Variants in EPHA7 observed in about 807,000 individuals in gnomAD.
EPHA7 encodes the protein ephrin type-A receptor 7.
Under a neutral mutation model 112.6 loss-of-function variants are expected in EPHA7, and 25 were observed. The ratio of observed to expected loss-of-function variants is 0.22; its 90% CI spans 0.16 to 0.31. The LOEUF (loss-of-function observed/expected upper bound fraction) is 0.31. Among genes scored for constraint, EPHA7 ranks in the 10% least tolerant of loss-of-function variants. The pLI is 1.00. For synonymous variants in EPHA7, 437 were observed against 406.5 expected (o/e 1.07, Z -0.90); for missense variants, 962 against 1,212.6 (o/e 0.79, Z 3.07).
At chr6:93,409,519 T>C (rs1778874448) in intron 3 of EPHA7, 3 of 152,072 alleles carry the variant, frequency 2.0e-5, no homozygotes, top group African/African-American at 7.2e-5. Context: ...GTTATTATTA[T>C]CAGTAGTCTC....
intron 9 of EPHA7, 109 bp downstream of exon 9, chr6:93,263,751 T>C (rs1055684798): frequency 5.8e-6 from 4 of 688,122 alleles, no homozygotes; most frequent in Middle Eastern, 2.6e-4. Flanking sequence ...TTTGAGCTCA[T>C]GGTATAATTT....
At chr6:93,368,568 T>C (rs1776626898) in intron 3 of EPHA7, among the ~76,000 whole-genome samples, 1 of 152,138 alleles carries the variant, frequency 6.6e-6, no homozygotes, top group South Asian at 2.1e-4. Flanking sequence ...TTGGACTATC[T>C]TGTGAGTGGC....
At chr6:93,361,262 A>C (rs2127950395) in intron 3 of EPHA7, among the ~76,000 whole-genome samples, 1 of 152,254 alleles carries the variant, frequency 6.6e-6, no homozygotes, top group South Asian at 2.1e-4. Context: ...AATAAGTTGA[A>C]GCAAGCCAGT....
intron 6 of EPHA7, 114 bp downstream of exon 6, chr6:93,272,184 G>C (rs1325972474): frequency 1.5e-5 from 17 of 1,166,640 alleles, no homozygotes; most frequent in Non-Finnish European, 1.9e-5. Flanking sequence ...AATTAACTAC[G>C]AAGTTTGAAG....
chr6:93,358,440 A>G (rs1260690606), intron 3 of EPHA7, 29 bp from the exon 4 acceptor site: 1 of 1,571,878 alleles, frequency 6.4e-7, no homozygotes, highest in Non-Finnish European at 8.6e-7. Context: ...GCAAAAATTG[A>G]GACATGAGAG....
intron 3 of EPHA7, among the ~76,000 whole-genome samples, chr6:93,399,323 A>G (rs1778327792): frequency 6.6e-6 from 1 of 152,114 alleles, no homozygotes; most frequent in African/African-American, 2.4e-5. Context: ...CCAGACATAA[A>G]TAGCCTTCAA....
At chr6:93,335,723 C>G (rs1172807839) in intron 5 of EPHA7, among the ~76,000 whole-genome samples, 1 of 151,940 alleles carries the variant, frequency 6.6e-6, no homozygotes, top group Non-Finnish European at 1.5e-5. Flanking sequence ...ATGGAAACTA[C>G]ACTCTTTGAA....
At chr6:93,308,723 T>C (rs1393710347) in intron 5 of EPHA7, among the ~76,000 whole-genome samples, 6 of 152,078 alleles carry the variant, frequency 3.9e-5, no homozygotes, top group African/African-American at 1.2e-4. Flanking sequence ...GTTAGGAATA[T>C]ACTAACATAC....
chr6:93,258,269 A>G lies in EPHA7; in HGVS notation c.1940T>C (p.Val647Ala). Residue 647 changes from valine (V) to alanine (A), a missense_variant, in exon 11 of 17, where the codon GTC becomes GCC. Coordinates refer to ENST00000369303, the MANE Select transcript of EPHA7 (RefSeq NM_004440.4). ...RVIGAGEFGEVCSGRLKLPGK... is the reference protein window; with the variant it reads ...RVIGAGEFGEACSGRLKLPGK... ...TGGAAGTTTCAAACGGCCACTGCAG[A>G]CTTCACCGAATTCTCCTGAAGTAAC... 6.3e-7 allele frequency: 1 copy of G among 1,598,150 alleles called. No individual in the cohort carries two copies. The highest frequency in any genetic ancestry group is 8.5e-7 in the Non-Finnish European group (1 of 1,171,806).
At chr6:93,416,027 T>TTTG (rs1042134791) in intron 1 of EPHA7, among the ~76,000 whole-genome samples, 1 of 152,128 alleles carries the variant, frequency 6.6e-6, no homozygotes, top group Non-Finnish European at 1.5e-5. Flanking sequence ...GGATTTTTGT[T>TTTG]TTGTTGTTGT....
chr6:93,413,084 A>G (rs1370525260), intron 2 of EPHA7, among the ~76,000 whole-genome samples: 1 of 152,016 alleles, frequency 6.6e-6, no homozygotes, highest in Non-Finnish European at 1.5e-5. Context: ...TCCACAAATG[A>G]CGCCATTGGG....
At position 93,255,809 on chromosome 6, in the gene EPHA7, G is replaced by A. The variant is rs1330174540; in HGVS notation, c.2382+19C>T. ...AATCTTAAGAATATGAAGAAGTGCA[G>A]TAAATGACTTTTTCTTACAGTAGTT... is the stretch of plus-strand genomic sequence containing the variant. On this transcript the variant is annotated intron_variant, in intron 13 of 16. Coordinates refer to ENST00000369303, the MANE Select transcript of EPHA7 (RefSeq NM_004440.4). The A allele has an allele frequency of 1.3e-6, 2 of 1,594,798 alleles. No individual in the cohort carries two copies. The highest frequency in any genetic ancestry group is 1.7e-4 in the Middle Eastern group (1 of 6,006).
At position 93,240,643 on chromosome 6, in the gene EPHA7, C is replaced by A. The variant is rs2127842240; in HGVS notation, c.*2783G>T. 4.6e-6 allele frequency: 1 copy of A among 215,120 alleles called. No individual in the cohort carries two copies. The highest frequency in any genetic ancestry group is 6.9e-5 in the East Asian group (1 of 14,466). 13.3% of individuals were successfully genotyped at this position (215,120 alleles called of 1,614,324 possible). A position where few individuals can be genotyped will look rare whatever the true frequency, so the allele number is the denominator to read the frequency against. Reference sequence around the variant, plus strand: ...GGACAGTGTTCTAAAAAAGGTGGCTCTATTAAAGCAAGGAGGCCATTTCCT... The same window carrying A: ...GGACAGTGTTCTAAAAAAGGTGGCTATATTAAAGCAAGGAGGCCATTTCCT... On this transcript the variant is annotated 3_prime_UTR_variant, in exon 17 of 17. Transcript: ENST00000369303.
chr6:93,322,345 C>T (rs1309876384), intron 5 of EPHA7, among the ~76,000 whole-genome samples: 1 of 151,570 alleles, frequency 6.6e-6, no homozygotes, highest in Non-Finnish European at 1.5e-5. Context: ...AAGAAATATT[C>T]CAACAAAAAC....
intron 5 of EPHA7, among the ~76,000 whole-genome samples, chr6:93,346,579 T>A (rs922795733): frequency 6.6e-6 from 1 of 151,828 alleles, no homozygotes; most frequent in Non-Finnish European, 1.5e-5. Context: ...ATATTTGTTA[T>A]TTTTTATGAT....
chr6:93,244,383 T>C (rs1240033316), intron 16 of EPHA7, among the ~76,000 whole-genome samples: 1 of 152,156 alleles, frequency 6.6e-6, no homozygotes, highest in Admixed American at 6.5e-5. Context: ...TCCTGGCATA[T>C]ACCAGAAAAT....
At chr6:93,347,666 A>AT (rs1443670053) in intron 5 of EPHA7, among the ~76,000 whole-genome samples, 1 of 151,884 alleles carries the variant, frequency 6.6e-6, no homozygotes, top group Non-Finnish European at 1.5e-5. Context: ...TGAGGGCTAG[A>AT]AGTCCCAAGT....
chr6:93,318,477 G>C (rs894798223), intron 5 of EPHA7, among the ~76,000 whole-genome samples: 1 of 151,960 alleles, frequency 6.6e-6, no homozygotes. Context: ...ATGAGAAAAA[G>C]ACAGGTAATG....
At chr6:93,325,053 T>C (rs188896455) in intron 5 of EPHA7, among the ~76,000 whole-genome samples, 8 of 151,352 alleles carry the variant, frequency 5.3e-5, no homozygotes, top group Non-Finnish European at 1.0e-4. Flanking sequence ...AATGAGAGTG[T>C]ATGGGAGGAG....
Sources: gnomAD v4.1 joint callset for allele counts (sites outside exome capture counted in the v4.1 genomes callset) on GRCh38, gnomAD v4.1.1 for gene constraint, MANE v1.5 for transcripts, NCBI Gene and HGNC (gene_info 2026-07-23, HGNC 2026-07-21) for gene names.